Variants in MSI2 observed in about 807,000 individuals in gnomAD.
MSI2 encodes RNA-binding protein Musashi homolog 2.
A neutral mutation model predicts 45.6 loss-of-function variants in MSI2; 17 were observed. The observed-to-expected ratio is 0.37, with a 90% confidence interval of 0.26 to 0.56. The LOEUF (loss-of-function observed/expected upper bound fraction) is 0.56. Among genes scored for constraint, MSI2 ranks in the 20% least tolerant of loss-of-function variants. The pLI is 0.77. For missense variants in MSI2, 293 were observed against 444.2 expected, an observed-to-expected ratio of 0.66 and a Z score of 3.06; for synonymous variants, 156 against 158.2, an observed-to-expected ratio of 0.99 and a Z score of 0.11.
chr17:57,430,925 T>C (rs1196777450), intron 6 of MSI2, among the ~76,000 whole-genome samples: 1 of 152,212 alleles, frequency 6.6e-6, no homozygotes, highest in African/African-American at 2.4e-5. Flanking sequence ...CGCCTCTTCT[T>C]CCTGAATTTG....
rs1460814525 is a variant in MSI2, at chr17:57,476,311, G to C, written c.406-53365G>C. Among the ~76,000 whole-genome samples the C allele has an allele frequency of 5.9e-5, 9 of 152,212 alleles. No individual in the cohort carries two copies. In the South Asian group the frequency reaches 1.4e-3, roughly 24 times the overall value. On this transcript the variant is annotated intron_variant, in intron 6 of 13. Transcript: ENST00000284073. ...ATCCACACTGCATTGCAACGCATTA[G>C]GAACCTCCTGGCACCTTCCCCTGAG...
At chr17:57,336,393 TACTC>T (rs1914693431) in intron 5 of MSI2, among the ~76,000 whole-genome samples, 1 of 152,252 alleles carries the variant, frequency 6.6e-6, no homozygotes, top group Non-Finnish European at 1.5e-5. Context: ...CTTCTTCTCT[TACTC>T]GTTTTCTTTG....
Position 57,680,529 on chromosome 17 carries a change from T to G in MSI2, c.*1012T>G, listed in dbSNP as rs1003046465. ...GCTGCCAGGACCACCCCAGGACAAG[T>G]TAGAGCACTGTTTAGCTCCTTTGTC... On this transcript the variant is annotated 3_prime_UTR_variant, in exon 14 of 14. Transcript: ENST00000284073. 1.3e-5 allele frequency: 3 copies of G among 229,006 alleles called. No individual in the cohort carries two copies. The highest frequency in any genetic ancestry group is 1.8e-4 in the South Asian group (1 of 5,480). The allele number at this position is 229,006 out of a possible 1,614,324, so 14.2% of individuals were successfully genotyped here.
intron 5 of MSI2, among the ~76,000 whole-genome samples, chr17:57,339,516 C>T (rs528955980): frequency 2.0e-5 from 3 of 152,132 alleles, no homozygotes; most frequent in South Asian, 2.1e-4. Context: ...CCCTGTGGCA[C>T]GGACTTGCCC....
At chr17:57,576,625 A>G (rs959278688) in intron 7 of MSI2, among the ~76,000 whole-genome samples, 1 of 152,058 alleles carries the variant, frequency 6.6e-6, no homozygotes, top group African/African-American at 2.4e-5. Flanking sequence ...ACGGTGGTGC[A>G]TGCCTGTAAT....
chr17:57,559,686 CCCTGCACCCTGGCTTTGTT>C (rs2087526459), intron 7 of MSI2, among the ~76,000 whole-genome samples: 1 of 152,258 alleles, frequency 6.6e-6, no homozygotes, highest in African/African-American at 2.4e-5. Flanking sequence ...GGATGCCTGT[CCCTGCACCCTGGCTTTGTT>C]CCTGCACCTG....
chr17:57,656,039 T>C (rs1911563882), intron 11 of MSI2, among the ~76,000 whole-genome samples: 2 of 152,218 alleles, frequency 1.3e-5, no homozygotes, highest in Non-Finnish European at 2.9e-5. Flanking sequence ...TAGCCGTAGC[T>C]GTAGTTGTAG....
intron 13 of MSI2, among the ~76,000 whole-genome samples, chr17:57,678,652 C>T (rs11658228): frequency 0.23 from 34,555 of 151,686 alleles, 4,255 homozygotes; most frequent in Admixed American, 0.32. Context: ...CCCAAGGCCA[C>T]TAAAGCCTTT....
chr17:57,532,125 C>T (rs932908656), intron 7 of MSI2: 2 of 152,156 alleles, frequency 1.3e-5, no homozygotes, highest in African/African-American at 4.8e-5. Flanking sequence ...CACTCCTGCC[C>T]CCAGCCAAGC....
chr17:57,262,227 T>C (rs749342681), intron 5 of MSI2, 35 bp downstream of exon 5: 2 of 1,609,006 alleles, frequency 1.2e-6, no homozygotes, highest in Non-Finnish European at 8.5e-7. Flanking sequence ...ATTTTAGCAC[T>C]CAGAGATGAT....
At chr17:57,284,759 G>A (rs1909721736) in intron 5 of MSI2, among the ~76,000 whole-genome samples, 2 of 152,164 alleles carry the variant, frequency 1.3e-5, no homozygotes. Flanking sequence ...GGGCTTCATG[G>A]CGTCATCTGC....
chr17:57,319,324 A>G (rs1016972231), intron 5 of MSI2, among the ~76,000 whole-genome samples: 8 of 152,184 alleles, frequency 5.3e-5, no homozygotes, highest in African/African-American at 1.9e-4. Context: ...CCTTCTCAAG[A>G]TCACACATGT....
chr17:57,324,582 C>T (rs28522844), intron 5 of MSI2, among the ~76,000 whole-genome samples: 15,132 of 152,238 alleles, frequency 0.099, 1,184 homozygotes, highest in African/African-American at 0.19. Context: ...CACCTCTCTT[C>T]TTCTGCCTGG....
intron 8 of MSI2, among the ~76,000 whole-genome samples, chr17:57,614,776 A>G (rs1469240941): frequency 2.0e-5 from 3 of 152,230 alleles, no homozygotes; most frequent in African/African-American, 7.2e-5. Context: ...AAAACAGTGA[A>G]GGAGCTTCCG....
rs868073528 is a variant in MSI2 at position 57,632,504 on chromosome 17, G to A, written c.727+5201G>A. The A allele has an allele frequency of 1.8e-5, 19 of 1,066,548 alleles. No homozygotes were observed. In the African/African-American group the frequency reaches 2.5e-4, roughly 14 times the overall value. The allele number at this position is 1,066,548 out of a possible 1,614,324, so 66.1% of individuals were successfully genotyped here. On this transcript the variant is annotated intron_variant, in intron 10 of 13. Coordinates refer to ENST00000284073, the MANE Select transcript of MSI2 (RefSeq NM_138962.4). ...GCACGGTGGGCACCGATCCACAGTGGGCCCCGCCTTCCCCAGCTCGCCTCC... is the reference window on the plus strand; with the variant it reads ...GCACGGTGGGCACCGATCCACAGTGAGCCCCGCCTTCCCCAGCTCGCCTCC...
At chr17:57,633,995 T>TCCTCCCTC (rs1909632695) in intron 10 of MSI2, among the ~76,000 whole-genome samples, 3 of 152,176 alleles carry the variant, frequency 2.0e-5, no homozygotes, top group African/African-American at 7.2e-5. Context: ...CCATCCTTTC[T>TCCTCCCTC]CTTCCCTCCT....
At chr17:57,485,627 A>G (rs1240447346) in intron 6 of MSI2, among the ~76,000 whole-genome samples, 3 of 152,188 alleles carry the variant, frequency 2.0e-5, no homozygotes, top group African/African-American at 7.2e-5. Flanking sequence ...GCAGACCTTC[A>G]CGGAGCCTTT....
intron 5 of MSI2, among the ~76,000 whole-genome samples, chr17:57,379,416 C>G (rs574442905): frequency 2.6e-5 from 4 of 151,762 alleles, no homozygotes; most frequent in South Asian, 2.1e-4. Context: ...TGTGGCGAAG[C>G]CTTCAATAAA....
chr17:57,683,928 T>C lies in MSI2; in HGVS notation c.*4411T>C, dbSNP rs1235995573. On this transcript the variant is annotated 3_prime_UTR_variant, in exon 14 of 14. Coordinates refer to ENST00000284073, the MANE Select transcript of MSI2 (RefSeq NM_138962.4). The surrounding 1 kb of genome is among the most constrained non-coding windows in gnomAD (Gnocchi z 5.2). ...CTGTAATATGTTTGTTTTCTTTTTC[T>C]TTCTTTTTTTTCTACCAAAAAAAAG... 4.3e-6 allele frequency: 1 copy of C among 230,202 alleles called. No individual in the cohort carries two copies. The highest frequency in any genetic ancestry group is 8.6e-6 in the Non-Finnish European group (1 of 116,186). 14.3% of individuals were successfully genotyped at this position (230,202 alleles called of 1,614,324 possible). A position where few individuals can be genotyped will look rare whatever the true frequency, so the allele number is the denominator to read the frequency against.
Sources: allele counts gnomAD v4.1 joint callset (sites outside exome capture counted in the v4.1 genomes callset), GRCh38; gene constraint gnomAD v4.1.1; non-coding constraint Gnocchi (gnomAD v3.1); transcripts MANE v1.5; gene names NCBI Gene and HGNC (gene_info 2026-07-23, HGNC 2026-07-21).